Variants in PSG9 observed in about 807,000 individuals in gnomAD.
PSG9 encodes pregnancy specific beta-1-glycoprotein 9.
In PSG9, 49 loss-of-function variants were observed where a neutral mutation model predicts 41.9. The ratio of observed to expected loss-of-function variants is 1.17; its 90% confidence interval spans 0.93 to 1.48. PSG9 has a LOEUF of 1.48. PSG9 is among the 40% of genes most tolerant of loss of function. PSG9 has a pLI of 0.00. For synonymous variants in PSG9, 263 were observed against 196.8 expected, an observed-to-expected ratio of 1.34 and a Z score of -2.82; for missense variants, 641 against 520.3, an observed-to-expected ratio of 1.23 and a Z score of -2.26.
intron 5 of PSG9, chr19:43,257,065 T>G (rs1314212362): frequency 6.8e-6 from 1 of 147,006 alleles, no homozygotes; most frequent in Non-Finnish European, 1.5e-5. Context: ...GGATGAACCT[T>G]GAAGATATTA....
At position 43,257,577 on chromosome 19, in the gene PSG9, G is replaced by A. The variant is rs778529337; in HGVS notation, c.1243+625C>T. On this transcript the variant is annotated intron_variant, in intron 5 of 5. Coordinates refer to ENST00000270077, the MANE Select transcript of PSG9 (RefSeq NM_002784.5). ...AGGCTCCCTCTCTTCTTATTTCCCT[G>A]CAGCCTGGCCCGGGGGAGGCTTGGC... The A allele has an allele frequency of 1.2e-5, 12 of 983,662 alleles. 1 individual carries two copies. Among genetic ancestry groups the A allele is most frequent in the Non-Finnish European group, 1.4e-5 (12 of 832,378 alleles). The allele number at this position is 983,662 out of a possible 1,614,324, so 60.9% of individuals were successfully genotyped here.
chr19:43,260,049 G>T lies in PSG9; in HGVS notation c.710-914C>A, dbSNP rs1032714328. On this transcript the variant is annotated intron_variant, in intron 3 of 5. Transcript: ENST00000270077. ...TTGATGGATATGAGACAAACTTGGA[G>T]AGAAGTTTTGCAAATATTTTCTTTC... 8 of 146,722 alleles carry T rather than the reference G, an allele frequency of 5.5e-5. 2 individuals carry two copies. In the South Asian group the frequency reaches 8.6e-4, roughly 16 times the overall value. 9.1% of individuals were successfully genotyped at this position (146,722 alleles called of 1,614,324 possible).
At position 43,258,184 on chromosome 19, in the gene PSG9, A is replaced by T. The variant is rs771955696; in HGVS notation, c.1243+18T>A. 2 of 1,592,558 alleles carry T rather than the reference A, an allele frequency of 1.3e-6. No individual in the cohort carries two copies. The highest frequency in any genetic ancestry group is 1.7e-6 in the Non-Finnish European group (2 of 1,174,408). ...TCCACATAAAACCCTACTGCCAAGGATGCTGGGATCCACTTACCAGAGACT... is the reference window on the plus strand; with the variant it reads ...TCCACATAAAACCCTACTGCCAAGGTTGCTGGGATCCACTTACCAGAGACT... On this transcript the variant is annotated intron_variant, in intron 5 of 5. Transcript: ENST00000270077.
At chr19:43,256,048 T>G (rs1045682647) in intron 5 of PSG9, among the ~76,000 whole-genome samples, 1 of 146,546 alleles carries the variant, frequency 6.8e-6, no homozygotes, top group African/African-American at 2.6e-5. Flanking sequence ...GACACACAGC[T>G]TTGAAGAGGA....
chr19:43,263,468 T>A (rs905134094), intron 2 of PSG9, among the ~76,000 whole-genome samples: 4 of 152,132 alleles, frequency 2.6e-5, no homozygotes, highest in Non-Finnish European at 4.4e-5. Flanking sequence ...GTCAGAAGTG[T>A]TGACTTTTGA....
At chr19:43,266,627 G>C (rs1452639841) in intron 2 of PSG9, among the ~76,000 whole-genome samples, 1 of 152,104 alleles carries the variant, frequency 6.6e-6, no homozygotes, top group Non-Finnish European at 1.5e-5. Context: ...GGTTGAGGCA[G>C]GTGATTTAGT....
chr19:43,261,950 C>T lies in PSG9; in HGVS notation c.619G>A (p.Val207Ile). ...KTNRTLYLFG[V>I]TKYIAGPYEC... is the part of the protein sequence containing the mutation. ...TAGGGTCCTGCAATATACTTTGTGA[C>T]ACCAAATAGATAGAGGGTCCTGTTG... is the stretch of plus-strand genomic sequence containing the variant. The change falls in exon 3 of 6, where the codon GTC becomes ATC. Residue 207 changes from valine (V) to isoleucine (I), a missense_variant. Coordinates refer to ENST00000270077, the MANE Select transcript of PSG9 (RefSeq NM_002784.5). 1.9e-6 allele frequency: 3 copies of T among 1,614,056 alleles called. No individual in the cohort carries two copies. The highest frequency in any genetic ancestry group is 1.7e-6 in the Non-Finnish European group (2 of 1,179,958).
In PSG9 at chr19:43,269,432, G is replaced by A; in HGVS notation, c.-1C>T. 2.5e-6 allele frequency: 4 copies of A among 1,613,564 alleles called. No homozygotes were observed. Among genetic ancestry groups the A allele is most frequent in the Non-Finnish European group, 1.7e-6 (2 of 1,179,650 alleles). On this transcript the variant is annotated 5_prime_UTR_variant, in exon 1 of 6. Coordinates refer to ENST00000270077, the MANE Select transcript of PSG9 (RefSeq NM_002784.5). ...AGGAAGGGGCTGGGAGGGGCCCCAT[G>A]GTCTCTGCTGCCTGTGTGTTCTCCT...
chr19:43,268,422 C>G (rs1969088092), intron 1 of PSG9, among the ~76,000 whole-genome samples: 1 of 152,150 alleles, frequency 6.6e-6, no homozygotes, highest in Non-Finnish European at 1.5e-5. Flanking sequence ...ATCCTCTTCC[C>G]CAGGGGTCCA....
rs971846426 is a variant in PSG9 at position 43,259,435 on chromosome 19, C to T, written c.710-300G>A. 58 of 433,024 alleles carry T rather than the reference C, an allele frequency of 1.3e-4. 6 individuals are homozygous for T. The highest frequency in any genetic ancestry group is 1.2e-3 in the African/African-American group (56 of 46,750). The allele number at this position is 433,024 out of a possible 1,614,324, so 26.8% of individuals were successfully genotyped here. ...CCCTGGTACCCCTCCCAGTCCCTCC[C>T]TAATCAGTTGACTGGCTGGCTCACC... On this transcript the variant is annotated intron_variant, in intron 3 of 5. Coordinates refer to ENST00000270077, the MANE Select transcript of PSG9 (RefSeq NM_002784.5).
rs773142658 is a variant in PSG9 at position 43,258,405 on chromosome 19, C to T, written c.1040G>A (p.Gly347Glu). 1.3e-6 allele frequency: 2 copies of T among 1,590,958 alleles called. No homozygotes were observed. Among genetic ancestry groups the T allele is most frequent in the Non-Finnish European group, 1.7e-6 (2 of 1,173,694 alleles). The change falls in exon 5 of 6, where the codon GGA (glycine) becomes GAA (glutamate). Residue 347 changes from glycine to glutamate, a missense_variant. Physicochemically the swap from Gly to Glu is moderately conservative, Grantham distance 98 (BLOSUM62 -2). Coordinates refer to ENST00000270077, the MANE Select transcript of PSG9 (RefSeq NM_002784.5). Reference protein sequence around the residue: ...IYPSFTYYRSGENLDLSCFTE... With the variant: ...IYPSFTYYRSEENLDLSCFTE... ...GAAGCAGGACAAGTCGAGGTTTTCT[C>T]CTGAACGGTAATAGGTGAATGAAGG...
rs866676704 is a variant in PSG9 at position 43,258,761 on chromosome 19, T to A, written c.988+96A>T. On this transcript the variant is annotated intron_variant, in intron 4 of 5. Transcript: ENST00000270077. ...CCTCGGATGTCTAGAAGTAAAGGTG[T>A]CTATACTTGGACCGGAGAGAGACTG... is the stretch of plus-strand genomic sequence containing the variant. The A allele has an allele frequency of 1.2e-4, 183 of 1,521,082 alleles. 32 individuals carry two copies. The African/African-American group carries it at 2.4e-3, about 20-fold the overall frequency. 94.2% of individuals were successfully genotyped at this position (1,521,082 alleles called of 1,614,324 possible). A position where few individuals can be genotyped will look rare whatever the true frequency, so the allele number is the denominator to read the frequency against.
chr19:43,262,223 C>T, intron 2 of PSG9, 85 bp from the exon 3 acceptor site: 1 of 1,551,202 alleles, frequency 6.4e-7, no homozygotes. Flanking sequence ...TGGCATTTCC[C>T]ACCTCTCAGC....
Position 43,255,024 on chromosome 19 carries a change from A to G in PSG9, c.1244-1378T>C, listed in dbSNP as rs539659098. 3.6e-4 allele frequency among the ~76,000 whole-genome samples: 52 copies of G among 143,352 alleles called. 3 individuals carry two copies. Among genetic ancestry groups the G allele is most frequent in the Non-Finnish European group, 4.2e-4 (28 of 66,712 alleles). 94.0% of individuals were successfully genotyped at this position (143,352 alleles called of 152,430 possible). On this transcript the variant is annotated intron_variant, in intron 5 of 5. Transcript: ENST00000270077. ...GAGAATTGCTTGAGCCCAGGAGGTT[A>G]AGGCTGCAGTGAGCCGTAATCACAC...
At chr19:43,267,494 A>G (rs1969027366) in intron 2 of PSG9, among the ~76,000 whole-genome samples, 1 of 152,116 alleles carries the variant, frequency 6.6e-6, no homozygotes, top group African/African-American at 2.4e-5. Flanking sequence ...GGTCAAATTT[A>G]TGAAGAGGGC....
rs927470591 is a variant in PSG9, at chr19:43,260,247, A to G, written c.710-1112T>C. The G allele has an allele frequency of 6.1e-5, 9 of 147,304 alleles. 1 individual carries two copies. Among genetic ancestry groups the G allele is most frequent in the East Asian group, 2.3e-4 (1 of 4,272 alleles). 9.1% of individuals were successfully genotyped at this position (147,304 alleles called of 1,614,324 possible). On this transcript the variant is annotated intron_variant, in intron 3 of 5. Coordinates refer to ENST00000270077, the MANE Select transcript of PSG9 (RefSeq NM_002784.5). ...CAGTTATGCAAGGTGGGGAGGTTCT[A>G]GAGATCTGCTGTAGAGCTTGATGCC...
At chr19:43,264,392 T>C (rs1446235891) in intron 2 of PSG9, among the ~76,000 whole-genome samples, 1 of 152,166 alleles carries the variant, frequency 6.6e-6, no homozygotes, top group Non-Finnish European at 1.5e-5. Flanking sequence ...ATCCTCAAGC[T>C]AGGGATTCTT....
Position 43,267,854 on chromosome 19 carries a change from G to A in PSG9, c.360C>T (p.Tyr120=), listed in dbSNP as rs777224041. The change falls in exon 2 of 6, where the codon TAC becomes TAT. Residue 120 remains tyrosine (Y), a synonymous_variant. Coordinates refer to ENST00000270077, the MANE Select transcript of PSG9 (RefSeq NM_002784.5). The part of the protein sequence containing the change: ...QNVTRKDAGT[Y]TLHIIKRGDE... ...CACCTCGCTTTATGATGTGTAAGGT[G>A]TAGGTTCCTGCATCCTTCCGGGTGA... 1.9e-6 allele frequency: 3 copies of A among 1,613,672 alleles called. No homozygotes were observed. Among genetic ancestry groups the A allele is most frequent in the African/African-American group, 1.3e-5 (1 of 74,892 alleles).
Position 43,261,904 on chromosome 19 carries a change from G to T in PSG9, c.665C>A (p.Pro222Gln), listed in dbSNP as rs749016381. 3.1e-6 allele frequency: 5 copies of T among 1,614,074 alleles called. No individual in the cohort carries two copies. Among genetic ancestry groups the T allele is most frequent in the Non-Finnish European group, 4.2e-6 (5 of 1,179,944 alleles). The change falls in exon 3 of 6, where the codon CCA becomes CAA. Residue 222 changes from proline to glutamine, a missense_variant. Coordinates refer to ENST00000270077, the MANE Select transcript of PSG9 (RefSeq NM_002784.5). Reference sequence around the variant, plus strand: ...TGGGTCACTGCGACTGGCACTCACTGGGTTCCGTATTTCACATTCATAGGG... The same window carrying T: ...TGGGTCACTGCGACTGGCACTCACTTGGTTCCGTATTTCACATTCATAGGG... ...AGPYECEIRN[P>Q]VSASRSDPVT...
Sources: allele counts gnomAD v4.1 joint callset (sites outside exome capture counted in the v4.1 genomes callset), GRCh38; gene constraint gnomAD v4.1.1; transcripts MANE v1.5; gene names NCBI Gene and HGNC (gene_info 2026-07-23, HGNC 2026-07-21).